The following DNAAF9 variants were observed in gnomAD, a reference collection of about 807,000 sequenced individuals.
DNAAF9 encodes the protein shulin.
A neutral mutation model predicts 167.0 loss-of-function variants in DNAAF9; 90 were observed. The ratio of observed to expected loss-of-function variants is 0.54; its 90% CI spans 0.45 to 0.64. The LOEUF (loss-of-function observed/expected upper bound fraction) is 0.64, where lower values mean the gene tolerates loss of function less well. Ranked by LOEUF, DNAAF9 falls within the 30% of genes least tolerant of loss-of-function variation. The pLI is 0.00. For missense variants in DNAAF9, 1,315 were observed against 1,442.2 expected (o/e 0.91, Z 1.43); for synonymous variants, 491 against 508.8 (o/e 0.96, Z 0.47).
intron 33 of DNAAF9, among the ~76,000 whole-genome samples, chr20:3,258,613 C>T (rs558292307): frequency 6.6e-6 from 1 of 152,230 alleles, no homozygotes; most frequent in Admixed American, 6.5e-5. Flanking sequence ...GCTTTGACAC[C>T]CAGACCTGTA....
At position 3,395,535 on chromosome 20, in the gene DNAAF9, C is replaced by G. The variant is rs527438918; in HGVS notation, c.83+11940G>C. On this transcript the variant is annotated intron_variant, in intron 1 of 36. Transcript: ENST00000252032. ...GCCTCAAGCAATCCACCGCCTTGGC[C>G]TCCTAAAGTGCTGGGGTTACAGGTG... Among the ~76,000 whole-genome samples the G allele has an allele frequency of 2.0e-5, 3 of 152,252 alleles. No homozygotes were observed. In the East Asian group the frequency reaches 5.8e-4, roughly 30 times the overall value.
At chr20:3,369,585 C>T (rs941200262) in intron 6 of DNAAF9, among the ~76,000 whole-genome samples, 8 of 152,040 alleles carry the variant, frequency 5.3e-5, no homozygotes, top group African/African-American at 1.4e-4. Context: ...CTGTGTTGAC[C>T]GAGCTGGTCT....
chr20:3,258,927 C>T (rs999586640), intron 33 of DNAAF9, among the ~76,000 whole-genome samples: 3 of 152,158 alleles, frequency 2.0e-5, no homozygotes, highest in African/African-American at 7.2e-5. Context: ...TATTTCCTTC[C>T]CCTGGAATAC....
rs559689654 is a variant in DNAAF9 at position 3,355,703 on chromosome 20, C to G, written c.690+3813G>C. Among the ~76,000 whole-genome samples the G allele has an allele frequency of 2.6e-5, 4 of 152,180 alleles. No homozygotes were observed. The East Asian group carries it at 7.7e-4, about 29-fold the overall frequency. Reference sequence around the variant, plus strand: ...ATATAGCAATTACACTAGTAGATTTCCAGATATTGAACTAAATATAGAACC... The same window carrying G: ...ATATAGCAATTACACTAGTAGATTTGCAGATATTGAACTAAATATAGAACC... On this transcript the variant is annotated intron_variant, in intron 7 of 36. Coordinates refer to ENST00000252032, the MANE Select transcript of DNAAF9 (RefSeq NM_001009984.3).
chr20:3,282,236 C>A (rs960200398), intron 27 of DNAAF9, among the ~76,000 whole-genome samples: 4 of 152,188 alleles, frequency 2.6e-5, no homozygotes, highest in Non-Finnish European at 1.5e-5. Context: ...ACATTGGTAT[C>A]TCCTGCCTGG....
chr20:3,315,093 G>A lies in DNAAF9; in HGVS notation c.1618C>T (p.Leu540=), dbSNP rs2069479968. Residue 540 remains leucine, a synonymous_variant, in exon 20 of 37, where the codon CTA becomes TTA. Transcript: ENST00000252032. The surrounding 1 kb of genome is among the most constrained non-coding windows in gnomAD (Gnocchi z 4.1). ...AGATATGCTCCTTCTCCTCCTGTTA[G>A]ATAAGTGCCCAGGAAAGACTCATCC... ...RGDESFLGTY[L]TGGEGAYLYS... 6.2e-7 allele frequency: 1 copy of A among 1,610,536 alleles called. No individual in the cohort carries two copies.
chr20:3,339,862 C>G (rs1004632589), intron 10 of DNAAF9, among the ~76,000 whole-genome samples: 1 of 152,170 alleles, frequency 6.6e-6, no homozygotes, highest in African/African-American at 2.4e-5. Flanking sequence ...TGCACTCTAG[C>G]CTGGGTGACA....
intron 33 of DNAAF9, among the ~76,000 whole-genome samples, chr20:3,257,703 C>G (rs2122735621): frequency 6.6e-6 from 1 of 151,618 alleles, no homozygotes; most frequent in South Asian, 2.1e-4. Context: ...GCCACCATGC[C>G]CGGCTAATTT....
intron 6 of DNAAF9, chr20:3,361,859 G>A (rs2083369478): frequency 6.8e-7 from 1 of 1,460,306 alleles, no homozygotes. Flanking sequence ...AAGGGGAAGG[G>A]CCTGTGGTTT....
intron 6 of DNAAF9, among the ~76,000 whole-genome samples, chr20:3,364,016 G>A (rs1228171148): frequency 6.6e-6 from 1 of 152,080 alleles, no homozygotes; most frequent in Non-Finnish European, 1.5e-5. Flanking sequence ...TCCCCAGGCT[G>A]GCCTTGAACT....
intron 1 of DNAAF9, among the ~76,000 whole-genome samples, chr20:3,406,858 A>C (rs2084065198): frequency 6.6e-6 from 1 of 151,814 alleles, no homozygotes; most frequent in African/African-American, 2.4e-5. Flanking sequence ...AGGCTGAGGC[A>C]GGGGGAGCTG....
At position 3,259,919 on chromosome 20, in the gene DNAAF9, T is replaced by C. The variant is rs1230210545; in HGVS notation, c.2980+3A>G. On this transcript the variant is annotated splice_donor_region_variant and intron_variant, in intron 32 of 36. Transcript: ENST00000252032. ...TGTCTAGGACATCTCAGTCAAGGCTTACCTTTACATTTGGCCACAAAGCGA... is the reference window on the plus strand; with the variant it reads ...TGTCTAGGACATCTCAGTCAAGGCTCACCTTTACATTTGGCCACAAAGCGA... 1 of 1,567,882 alleles carries C rather than the reference T, an allele frequency of 6.4e-7. No individual in the cohort carries two copies. Among genetic ancestry groups the C allele is most frequent in the Non-Finnish European group, 8.8e-7 (1 of 1,137,768 alleles).
chr20:3,366,862 C>T lies in DNAAF9; in HGVS notation c.612+7186G>A, dbSNP rs139919436. Among the ~76,000 whole-genome samples, 1,364 of 151,186 alleles carry T rather than the reference C, an allele frequency of 9.0e-3. 19 individuals are homozygous for T. The highest frequency in any genetic ancestry group is 0.032 in the African/African-American group (1,309 of 41,194). ...ATGGCTTGAGTTTGGGAGGTCAAGG[C>T]TACACTGAGCCGTGATCACACCACT... On this transcript the variant is annotated intron_variant, in intron 6 of 36. Transcript: ENST00000252032.
chr20:3,405,826 C>T (rs1349612907), intron 1 of DNAAF9, among the ~76,000 whole-genome samples: 2 of 152,176 alleles, frequency 1.3e-5, no homozygotes, highest in Admixed American at 6.5e-5. Context: ...CTGGGATAAA[C>T]CTCAAGTCCA....
At chr20:3,385,846 AAAG>A (rs2083727611) in intron 1 of DNAAF9, among the ~76,000 whole-genome samples, 3 of 152,248 alleles carry the variant, frequency 2.0e-5, no homozygotes, top group Admixed American at 2.0e-4. Context: ...TAAAGAAATT[AAAG>A]AAGATCTAAA....
chr20:3,262,317 C>G (rs1267309898), intron 31 of DNAAF9, among the ~76,000 whole-genome samples: 1 of 146,992 alleles, frequency 6.8e-6, no homozygotes. Flanking sequence ...GTGGTGCGAT[C>G]TTGGCTTGCT....
chr20:3,324,594 C>A (rs1055801511), intron 14 of DNAAF9, among the ~76,000 whole-genome samples: 1 of 152,172 alleles, frequency 6.6e-6, no homozygotes, highest in African/African-American at 2.4e-5. Flanking sequence ...ATTCAGGTAC[C>A]CAGCTTTGCC....
chr20:3,265,367 C>A (rs1048056106), intron 30 of DNAAF9, among the ~76,000 whole-genome samples: 9 of 151,566 alleles, frequency 5.9e-5, no homozygotes, highest in African/African-American at 2.2e-4. Context: ...GAGTTCAAGA[C>A]CAGCCTGGCC....
intron 30 of DNAAF9, among the ~76,000 whole-genome samples, chr20:3,268,176 C>T (rs2068522066): frequency 6.6e-6 from 1 of 151,232 alleles, no homozygotes; most frequent in Admixed American, 6.6e-5. Flanking sequence ...TTACAGGTGC[C>T]TGGCACCACG....
Sources: gnomAD v4.1 joint callset for allele counts (sites outside exome capture counted in the v4.1 genomes callset) on GRCh38, gnomAD v4.1.1 for gene constraint, Gnocchi (gnomAD v3.1) non-coding constraint, MANE v1.5 for transcripts, NCBI Gene and HGNC (gene_info 2026-07-23, HGNC 2026-07-21) for gene names.